COG5: variants seen among roughly 807,000 people sequenced by gnomAD.
The protein encoded by COG5 is conserved oligomeric Golgi complex subunit 5.
A neutral mutation model predicts 110.4 loss-of-function variants in COG5; 86 were observed. That is an observed-to-expected ratio of 0.78 (90% CI 0.65 to 0.93). The LOEUF is 0.93. Among genes scored for constraint, COG5 ranks in the 40% least tolerant of loss-of-function variants. The probability of loss-of-function intolerance (pLI) is 0.00; values close to 1 mark genes in which losing one functional copy is unlikely to be tolerated. For synonymous variants in COG5, 360 were observed against 334.6 expected, an observed-to-expected ratio of 1.08 and a Z score of -0.83; for missense variants, 1,077 against 987.0, an observed-to-expected ratio of 1.09 and a Z score of -1.22.
chr7:107,514,972 A>C (rs1222775674), intron 6 of COG5, among the ~76,000 whole-genome samples: 1 of 152,200 alleles, frequency 6.6e-6, no homozygotes, highest in African/African-American at 2.4e-5. Context: ...CTGAGTTTAT[A>C]GATAAGGACA....
chr7:107,408,906 G>T (rs1372864804), intron 7 of COG5, among the ~76,000 whole-genome samples: 1 of 152,046 alleles, frequency 6.6e-6, no homozygotes, highest in Non-Finnish European at 1.5e-5. Context: ...TCAGATTATG[G>T]TCTTTTTCTT....
intron 10 of COG5, among the ~76,000 whole-genome samples, chr7:107,328,558 T>C (rs148734357): frequency 1.5e-3 from 236 of 152,302 alleles, no homozygotes; most frequent in African/African-American, 5.4e-3. Context: ...TTATATGAAG[T>C]AGCTAAAATA....
At chr7:107,287,992 C>G (rs552984010) in intron 12 of COG5, among the ~76,000 whole-genome samples, 2 of 152,272 alleles carry the variant, frequency 1.3e-5, no homozygotes, top group African/African-American at 2.4e-5. Flanking sequence ...ATACAAATGT[C>G]TACGTGAACA....
intron 5 of COG5, among the ~76,000 whole-genome samples, chr7:107,527,630 T>A (rs893746866): frequency 6.6e-6 from 1 of 152,114 alleles, no homozygotes; most frequent in Non-Finnish European, 1.5e-5. Context: ...CAAACCTAAA[T>A]AATCGCAAGT....
At chr7:107,538,513 G>A (rs932883733) in intron 5 of COG5, among the ~76,000 whole-genome samples, 10 of 151,930 alleles carry the variant, frequency 6.6e-5, no homozygotes, top group African/African-American at 9.7e-5. Flanking sequence ...GTGTGTCTGC[G>A]TCCTAGTTTT....
In COG5 at chr7:107,530,625, A is replaced by AG. The variant is rs1156306759; in HGVS notation, c.418-3269_418-3268insC. Among the ~76,000 whole-genome samples, 3 of 148,912 alleles carry AG rather than the reference A, an allele frequency of 2.0e-5. No homozygotes were observed. In the East Asian group the frequency reaches 5.9e-4, roughly 29 times the overall value. ...TCAAAAAAAAAAAAAAAAAAAAAAA[A>AG]ACACAGTTTTCAGCACTCCAACCCC... On this transcript the variant is annotated intron_variant, in intron 5 of 21. Transcript: ENST00000297135.
intron 8 of COG5, among the ~76,000 whole-genome samples, chr7:107,365,606 A>G (rs1040434502): frequency 6.7e-6 from 1 of 149,430 alleles, no homozygotes; most frequent in Non-Finnish European, 1.5e-5. Flanking sequence ...CAAAAAAAAA[A>G]AAAAAAAAAA....
At chr7:107,508,790 C>G (rs1374297084) in intron 6 of COG5, among the ~76,000 whole-genome samples, 1 of 152,206 alleles carries the variant, frequency 6.6e-6, no homozygotes, top group Non-Finnish European at 1.5e-5. Flanking sequence ...CAAACAGGGT[C>G]TGGAGTGGAC....
intron 15 of COG5, among the ~76,000 whole-genome samples, chr7:107,257,369 A>G (rs1802966579): frequency 6.6e-6 from 1 of 152,106 alleles, no homozygotes; most frequent in Non-Finnish European, 1.5e-5. Context: ...TTACCTGTTA[A>G]TAACTCTTTA....
intron 5 of COG5, among the ~76,000 whole-genome samples, chr7:107,539,052 T>TGC: frequency 6.6e-6 from 1 of 152,144 alleles, no homozygotes; most frequent in South Asian, 2.1e-4. Context: ...CTGAGGAAGA[T>TGC]GGATCACTTG....
At chr7:107,300,418 T>A (rs76917891) in intron 11 of COG5, among the ~76,000 whole-genome samples, 9,689 of 152,126 alleles carry the variant, frequency 0.064, 390 homozygotes, top group Non-Finnish European at 0.095. Flanking sequence ...AGCATCTATA[T>A]GGAAAATCTG....
At chr7:107,510,647 A>G (rs2129143680) in intron 6 of COG5, among the ~76,000 whole-genome samples, 1 of 152,226 alleles carries the variant, frequency 6.6e-6, no homozygotes, top group East Asian at 1.9e-4. Context: ...CATAGCTGGA[A>G]GTAAAGCACT....
In COG5 at chr7:107,365,449, A is replaced by G. The variant is rs574712224; in HGVS notation, c.836-3029T>C. Among the ~76,000 whole-genome samples the G allele has an allele frequency of 1.2e-3, 176 of 152,144 alleles. 2 individuals are homozygous for G. The highest frequency in any genetic ancestry group is 4.0e-3 in the African/African-American group (167 of 41,536). ...TAAGTCAAAATGAAGAAGGAACCAG[A>G]GAGATGACACCTTAGATCATTAGGA... On this transcript the variant is annotated intron_variant, in intron 8 of 21. Coordinates refer to ENST00000297135, the MANE Select transcript of COG5 (RefSeq NM_006348.5).
chr7:107,404,213 A>G (rs1366275199), intron 7 of COG5, among the ~76,000 whole-genome samples: 7 of 152,148 alleles, frequency 4.6e-5, no homozygotes, highest in Admixed American at 3.3e-4. Context: ...TACATACTCA[A>G]TAAGAGAGGA....
intron 11 of COG5, among the ~76,000 whole-genome samples, chr7:107,318,684 G>A (rs1337037595): frequency 1.3e-5 from 2 of 152,080 alleles, no homozygotes; most frequent in Non-Finnish European, 2.9e-5. Context: ...CTTTCCTTGT[G>A]CCTGTGTACA....
At chr7:107,459,327 T>C (rs1302588965) in intron 6 of COG5, among the ~76,000 whole-genome samples, 4 of 152,102 alleles carry the variant, frequency 2.6e-5, no homozygotes, top group South Asian at 2.1e-4. Flanking sequence ...AGGATTATCA[T>C]TGAGCACAAA....
At chr7:107,422,557 A>T (rs868441916) in intron 6 of COG5, among the ~76,000 whole-genome samples, 16 of 151,838 alleles carry the variant, frequency 1.1e-4, no homozygotes, top group African/African-American at 2.9e-4. Flanking sequence ...TAAAATACAA[A>T]TAAATAAAAA....
intron 6 of COG5, among the ~76,000 whole-genome samples, chr7:107,514,221 A>G (rs949894249): frequency 6.6e-6 from 1 of 152,112 alleles, no homozygotes; most frequent in African/African-American, 2.4e-5. Context: ...TTAAAAAATG[A>G]TTCTTCAATA....
At chr7:107,343,489 T>C (rs914677894) in intron 10 of COG5, among the ~76,000 whole-genome samples, 3 of 152,144 alleles carry the variant, frequency 2.0e-5, no homozygotes, top group African/African-American at 7.2e-5. Context: ...GAGACCAGCC[T>C]GGGCAACATG....
Sources: allele counts gnomAD v4.1 joint callset (sites outside exome capture counted in the v4.1 genomes callset), GRCh38; gene constraint gnomAD v4.1.1; transcripts MANE v1.5; gene names NCBI Gene and HGNC (gene_info 2026-07-23, HGNC 2026-07-21).